The following KBTBD11 variants were observed in gnomAD, a reference collection of about 807,000 sequenced individuals.
The protein encoded by KBTBD11 is kelch repeat and BTB domain containing 11.
For missense variants in KBTBD11, 1,390 were observed against 1,001.8 expected, an observed-to-expected ratio of 1.39 and a Z score of -5.23; for synonymous variants, 747 against 499.0, an observed-to-expected ratio of 1.50 and a Z score of -6.63.
At chr8:1,992,615 A>T (rs1816959971) in intron 1 of KBTBD11, among the ~76,000 whole-genome samples, 1 of 152,024 alleles carries the variant, frequency 6.6e-6, no homozygotes, top group Admixed American at 6.6e-5. Flanking sequence ...TAAAAAAAAA[A>T]ATTCATCCCA....
chr8:1,989,193 G>A (rs994093633), intron 1 of KBTBD11, among the ~76,000 whole-genome samples: 3 of 152,180 alleles, frequency 2.0e-5, no homozygotes, highest in Non-Finnish European at 4.4e-5. Context: ...TCGGGCCACA[G>A]GGAAGGGCAG....
At chr8:1,974,527 C>T (rs1043024911) in intron 1 of KBTBD11, 3 of 985,148 alleles carry the variant, frequency 3.0e-6, no homozygotes, top group African/African-American at 1.7e-5. Flanking sequence ...GAGCGCGGCC[C>T]TTGGTCCTCC....
intron 1 of KBTBD11, among the ~76,000 whole-genome samples, chr8:1,978,453 C>A (rs1029113470): frequency 1.6e-4 from 25 of 152,184 alleles, no homozygotes; most frequent in Non-Finnish European, 2.9e-4. Context: ...AGCAGGGGCC[C>A]CTCGGGGACC....
chr8:1,996,026 AAAAC>A (rs1466724679), intron 1 of KBTBD11, among the ~76,000 whole-genome samples: 11 of 152,140 alleles, frequency 7.2e-5, no homozygotes, highest in South Asian at 6.2e-4. Flanking sequence ...CCTGTCTCAA[AAAAC>A]AAACAAACAA....
chr8:1,988,689 G>A lies in KBTBD11; in HGVS notation c.-908-11596G>A, dbSNP rs113701420. On this transcript the variant is annotated intron_variant, in intron 1 of 1. Coordinates refer to ENST00000320248, the MANE Select transcript of KBTBD11 (RefSeq NM_014867.3). ...TCCTGGTTCCTGAATCCATTCAAACGTGTGCAGTGGCTCAACGCTTGCCTT... is the reference window on the plus strand; with the variant it reads ...TCCTGGTTCCTGAATCCATTCAAACATGTGCAGTGGCTCAACGCTTGCCTT... 2.0e-3 allele frequency among the ~76,000 whole-genome samples: 299 copies of A among 152,252 alleles called. 1 individual carries two copies. The highest frequency in any genetic ancestry group is 3.1e-3 in the African/African-American group (129 of 41,546).
chr8:1,975,496 C>T (rs919145604), intron 1 of KBTBD11, among the ~76,000 whole-genome samples: 1 of 152,242 alleles, frequency 6.6e-6, no homozygotes, highest in Non-Finnish European at 1.5e-5. Context: ...GCACGCTGCA[C>T]AGGTGTGCAG....
Position 2,001,978 on chromosome 8 carries a change from C to G in KBTBD11, c.786C>G (p.His262Gln). ...RDAAYCFMSDHYLEVLREPAV... is the reference protein window; with the variant it reads ...RDAAYCFMSDQYLEVLREPAV... ...CCGCCTACTGCTTCATGAGCGACCA[C>G]TATCTGGAGGTGCTGCGCGAGCCCG... The change falls in exon 2 of 2, where the codon CAC becomes CAG. Residue 262 changes from histidine to glutamine, a missense_variant. Physicochemically the swap from His to Gln is conservative, Grantham distance 24. Transcript: ENST00000320248. The G allele has an allele frequency of 1.4e-6, 2 of 1,462,664 alleles. No homozygotes were observed. Among genetic ancestry groups the G allele is most frequent in the Non-Finnish European group, 1.8e-6 (2 of 1,103,402 alleles). 90.6% of individuals were successfully genotyped at this position (1,462,664 alleles called of 1,614,324 possible).
At chr8:1,986,641 A>C (rs1173557482) in intron 1 of KBTBD11, among the ~76,000 whole-genome samples, 3 of 152,208 alleles carry the variant, frequency 2.0e-5, no homozygotes, top group Non-Finnish European at 1.5e-5. Context: ...TTACCTGGTG[A>C]TTAACTGTAC....
At chr8:1,978,679 T>C (rs1000690317) in intron 1 of KBTBD11, among the ~76,000 whole-genome samples, 2 of 152,068 alleles carry the variant, frequency 1.3e-5, no homozygotes, top group African/African-American at 2.4e-5. Flanking sequence ...GGGAACGGGG[T>C]CTCAACTGTG....
chr8:1,985,315 T>C (rs1344432184), intron 1 of KBTBD11, among the ~76,000 whole-genome samples: 1 of 152,256 alleles, frequency 6.6e-6, no homozygotes, highest in Non-Finnish European at 1.5e-5. Flanking sequence ...GTGCTTTGCT[T>C]CTCTGCAGAG....
Position 2,003,087 on chromosome 8 carries a change from T to A in KBTBD11, c.*23T>A, listed in dbSNP as rs1817460439. 1.6e-6 allele frequency: 2 copies of A among 1,259,102 alleles called. No individual in the cohort carries two copies. The highest frequency in any genetic ancestry group is 2.0e-6 in the Non-Finnish European group (2 of 998,838). 78.0% of individuals were successfully genotyped at this position (1,259,102 alleles called of 1,614,324 possible). ...TAGGCCGGCGGGGTCGGCGGGCGTC[T>A]CCCTCGGCAGGGGTTTGCGGGGCCC... On this transcript the variant is annotated 3_prime_UTR_variant, in exon 2 of 2. Coordinates refer to ENST00000320248, the MANE Select transcript of KBTBD11 (RefSeq NM_014867.3).
Position 2,004,852 on chromosome 8 carries a change from T to C in KBTBD11, c.*1788T>C, listed in dbSNP as rs1817524089. 2 of 167,102 alleles carry C rather than the reference T, an allele frequency of 1.2e-5. 1 individual carries two copies. Among genetic ancestry groups the C allele is most frequent in the South Asian group, 4.1e-4 (2 of 4,830 alleles). The allele number at this position is 167,102 out of a possible 1,614,324, so 10.4% of individuals were successfully genotyped here. On this transcript the variant is annotated 3_prime_UTR_variant, in exon 2 of 2. Coordinates refer to ENST00000320248, the MANE Select transcript of KBTBD11 (RefSeq NM_014867.3). ...AGCAAAAGGAAACAAATAATGTTCA[T>C]TTTAAGCAATGTACCATTCACACTG...
intron 1 of KBTBD11, among the ~76,000 whole-genome samples, chr8:1,982,789 C>G (rs1487351754): frequency 3.3e-5 from 5 of 151,094 alleles, no homozygotes; most frequent in Non-Finnish European, 5.9e-5. Context: ...GTCACCCAGG[C>G]TGGAGTGCAG....
At chr8:1,989,636 A>G (rs1028065573) in intron 1 of KBTBD11, among the ~76,000 whole-genome samples, 1 of 152,316 alleles carries the variant, frequency 6.6e-6, no homozygotes, top group East Asian at 1.9e-4. Context: ...CTATGCAACA[A>G]GTTTCACAGC....
chr8:2,002,387 C>A lies in KBTBD11; in HGVS notation c.1195C>A (p.Arg399Ser). ...CAGCTGGAGCGCCGTGAGGCCCCTG[C>A]GCCAGGCGCGCTCGCAGCTGCGGCT... Reference protein sequence around the residue: ...TDSWSAVRPLRQARSQLRLLA... With the variant: ...TDSWSAVRPLSQARSQLRLLA... Residue 399 changes from arginine to serine, a missense_variant, in exon 2 of 2, where the codon CGC becomes AGC. Transcript: ENST00000320248. The surrounding 1 kb of genome is among the most constrained non-coding windows in gnomAD (Gnocchi z 4.1). 6.8e-7 allele frequency: 1 copy of A among 1,479,940 alleles called. No individual in the cohort carries two copies. Among genetic ancestry groups the A allele is most frequent in the African/African-American group, 1.5e-5 (1 of 68,332 alleles). The allele number at this position is 1,479,940 out of a possible 1,614,324, so 91.7% of individuals were successfully genotyped here. A position where few individuals can be genotyped will look rare whatever the true frequency, so the allele number is the denominator to read the frequency against.
Position 1,997,360 on chromosome 8 carries a change from C to T in KBTBD11, c.-908-2925C>T, listed in dbSNP as rs191923921. On this transcript the variant is annotated intron_variant, in intron 1 of 1. Coordinates refer to ENST00000320248, the MANE Select transcript of KBTBD11 (RefSeq NM_014867.3). ...GCTAGACCCAAAGGCCAACTCCTCT[C>T]CATCTATTTTAAGGTAAAAATTTCA... is the stretch of plus-strand genomic sequence containing the variant. Among the ~76,000 whole-genome samples, 1,102 of 151,926 alleles carry T rather than the reference C, an allele frequency of 7.3e-3. 11 individuals are homozygous for T. Among genetic ancestry groups the T allele is most frequent in the Middle Eastern group, 0.01 (3 of 294 alleles).
intron 1 of KBTBD11, among the ~76,000 whole-genome samples, chr8:1,994,368 C>A (rs1158313547): frequency 6.6e-6 from 1 of 152,196 alleles, no homozygotes. Flanking sequence ...GGGCAACCGG[C>A]GACCCGCCTG....
chr8:1,977,169 G>A lies in KBTBD11; in HGVS notation c.-909+3234G>A, dbSNP rs1047034044. 3.3e-5 allele frequency among the ~76,000 whole-genome samples: 5 copies of A among 152,000 alleles called. No homozygotes were observed. The South Asian group carries it at 6.2e-4, about 19-fold the overall frequency. On this transcript the variant is annotated intron_variant, in intron 1 of 1. Transcript: ENST00000320248. ...AGACAATTCTTCCAGTGTGGCCCAC[G>A]GAAGCCAAAAGATTGGAGACCCCTG...
intron 1 of KBTBD11, among the ~76,000 whole-genome samples, chr8:1,983,260 C>A (rs1019647334): frequency 6.6e-6 from 1 of 152,140 alleles, no homozygotes; most frequent in Non-Finnish European, 1.5e-5. Flanking sequence ...CCTGTGTGCA[C>A]CCCCATGCTC....
Sources: allele counts gnomAD v4.1 joint callset (sites outside exome capture counted in the v4.1 genomes callset), GRCh38; gene constraint gnomAD v4.1.1; non-coding constraint Gnocchi (gnomAD v3.1); transcripts MANE v1.5; gene names NCBI Gene and HGNC (gene_info 2026-07-23, HGNC 2026-07-21).